STOX2: variants seen among roughly 807,000 people sequenced by gnomAD.
The protein encoded by STOX2 is storkhead box 2, also known as storkhead-box protein 2.
A neutral mutation model predicts 60.9 loss-of-function variants in STOX2; 28 were observed. The ratio of observed to expected loss-of-function variants is 0.46; its 90% CI spans 0.34 to 0.63. The LOEUF (loss-of-function observed/expected upper bound fraction) is 0.63. Among genes scored for constraint, STOX2 ranks in the 30% least tolerant of loss-of-function variants. The pLI, the probability that STOX2 is intolerant of heterozygous loss-of-function variation, is 0.01. For missense variants in STOX2, 1,024 were observed against 1,187.7 expected (o/e 0.86, Z 2.03); for synonymous variants, 472 against 463.9 (o/e 1.02, Z -0.22).
intron 1 of STOX2, among the ~76,000 whole-genome samples, chr4:183,873,621 T>G (rs566787131): frequency 1.3e-5 from 2 of 152,164 alleles, no homozygotes; most frequent in Non-Finnish European, 2.9e-5. Context: ...CCATAGATAT[T>G]GTGGGATAGT....
At chr4:183,921,418 T>C (rs1277891169) in intron 1 of STOX2, among the ~76,000 whole-genome samples, 1 of 152,210 alleles carries the variant, frequency 6.6e-6, no homozygotes, top group Non-Finnish European at 1.5e-5. Flanking sequence ...TAGATGTATA[T>C]TACAAATCTT....
chr4:183,874,566 A>G (rs1418747865), intron 1 of STOX2, among the ~76,000 whole-genome samples: 1 of 152,122 alleles, frequency 6.6e-6, no homozygotes, highest in African/African-American at 2.4e-5. Context: ...GCAATTATAC[A>G]GAACTCTTTC....
At chr4:183,820,245 C>T (rs1403475406) in intron 1 of STOX2, among the ~76,000 whole-genome samples, 1 of 152,128 alleles carries the variant, frequency 6.6e-6, no homozygotes. Context: ...TATTTTATTA[C>T]CAGATGATGT....
intron 1 of STOX2, among the ~76,000 whole-genome samples, chr4:183,835,067 G>A (rs190380441): frequency 2.6e-5 from 4 of 152,110 alleles, no homozygotes; most frequent in Admixed American, 2.6e-4. Context: ...GCATAGGTGA[G>A]ATTGAATTCT....
chr4:183,815,870 T>C (rs1283367947), intron 1 of STOX2, among the ~76,000 whole-genome samples: 1 of 152,250 alleles, frequency 6.6e-6, no homozygotes, highest in Non-Finnish European at 1.5e-5. Flanking sequence ...TGTCAAACTT[T>C]AGACAACTTG....
intron 1 of STOX2, among the ~76,000 whole-genome samples, chr4:183,928,221 G>A (rs545255744): frequency 6.6e-5 from 1 of 15,214 alleles, no homozygotes; most frequent in Non-Finnish European, 2.8e-4. Flanking sequence ...GAGCCCTCGG[G>A]GGGGGGCATT....
chr4:183,957,186 A>AATAAT (rs1462710839), intron 1 of STOX2, among the ~76,000 whole-genome samples: 4 of 127,888 alleles, frequency 3.1e-5, no homozygotes, highest in Non-Finnish European at 5.2e-5. Context: ...ATAATAATAA[A>AATAAT]AGAAAAAACA....
At chr4:183,896,933 A>G (rs1348031051) in intron 1 of STOX2, among the ~76,000 whole-genome samples, 1 of 152,198 alleles carries the variant, frequency 6.6e-6, no homozygotes, top group Non-Finnish European at 1.5e-5. Context: ...GGAACCCACC[A>G]ATATTGTCAT....
intron 1 of STOX2, among the ~76,000 whole-genome samples, chr4:183,951,602 C>T (rs560871640): frequency 6.6e-6 from 1 of 151,510 alleles, no homozygotes; most frequent in African/African-American, 2.4e-5. Flanking sequence ...AGGCGTGAGC[C>T]GCTGCGCTCG....
At chr4:183,948,281 G>A (rs1389847868) in intron 1 of STOX2, among the ~76,000 whole-genome samples, 3 of 145,306 alleles carry the variant, frequency 2.1e-5, no homozygotes, top group African/African-American at 5.0e-5. Flanking sequence ...TGACAAGTAT[G>A]TGGAGGCTTA....
At chr4:183,892,330 G>A (rs911910790) in intron 1 of STOX2, among the ~76,000 whole-genome samples, 1 of 152,210 alleles carries the variant, frequency 6.6e-6, no homozygotes, top group Non-Finnish European at 1.5e-5. Flanking sequence ...CCAGGCTGGA[G>A]TGCAGTGGCG....
At chr4:183,820,550 T>C (rs1739282773) in intron 1 of STOX2, among the ~76,000 whole-genome samples, 1 of 152,230 alleles carries the variant, frequency 6.6e-6, no homozygotes, top group South Asian at 2.1e-4. Context: ...CATAAATGTA[T>C]CAATTTATTC....
chr4:183,995,886 C>T (rs997530842), intron 1 of STOX2, among the ~76,000 whole-genome samples: 16 of 152,208 alleles, frequency 1.1e-4, no homozygotes, highest in South Asian at 2.1e-4. Flanking sequence ...GCTGCACCCC[C>T]GTGCTGGCTG....
chr4:183,931,099 C>G (rs964475898), intron 1 of STOX2, among the ~76,000 whole-genome samples: 6 of 152,046 alleles, frequency 3.9e-5, no homozygotes, highest in Admixed American at 2.0e-4. Flanking sequence ...CTCAAAAGAT[C>G]TTCATTTATC....
intron 1 of STOX2, among the ~76,000 whole-genome samples, chr4:183,964,750 T>C (rs575085965): frequency 6.6e-6 from 1 of 152,160 alleles, no homozygotes; most frequent in South Asian, 2.1e-4. Context: ...GCCCAGCTGA[T>C]TTTTTGTATT....
chr4:183,900,666 T>C (rs982969253), upstream of STOX2, among the ~76,000 whole-genome samples: 1 of 152,116 alleles, frequency 6.6e-6, no homozygotes, highest in East Asian at 1.9e-4. Context: ...TTCAATTTAT[T>C]CTATTTGTAA....
intron 1 of STOX2, among the ~76,000 whole-genome samples, chr4:183,862,855 G>A (rs1258455373): frequency 6.6e-6 from 1 of 152,164 alleles, no homozygotes; most frequent in East Asian, 1.9e-4. Context: ...TGTAAACACA[G>A]GGCCTCCCTG....
intron 1 of STOX2, among the ~76,000 whole-genome samples, chr4:183,857,401 CATAGGATTG>C (rs1560849192): frequency 1.5e-3 from 232 of 150,462 alleles, no homozygotes; most frequent in African/African-American, 5.1e-3. Flanking sequence ...CTGGTTGCCT[CATAGGATTG>C]GTCATCCCAC....
intron 3 of STOX2, 106 bp from the exon 4 acceptor site, chr4:184,016,983 C>G (rs943723208): frequency 2.1e-6 from 2 of 932,606 alleles, no homozygotes; most frequent in Non-Finnish European, 3.1e-6. Flanking sequence ...CATTATGAAC[C>G]AACAGAGGAA....
Sources: allele counts gnomAD v4.1 joint callset (sites outside exome capture counted in the v4.1 genomes callset), GRCh38; gene constraint gnomAD v4.1.1; transcripts MANE v1.5; gene names NCBI Gene and HGNC (gene_info 2026-07-23, HGNC 2026-07-21).